The following SMURF1 variants were observed in gnomAD, a reference collection of about 807,000 sequenced individuals.
The protein encoded by SMURF1 is SMAD specific E3 ubiquitin protein ligase 1, also known as E3 ubiquitin-protein ligase SMURF1.
In SMURF1, 44 loss-of-function variants were observed where a neutral mutation model predicts 98.0. The ratio of observed to expected loss-of-function variants is 0.45; its 90% confidence interval spans 0.35 to 0.58. The LOEUF (loss-of-function observed/expected upper bound fraction) is 0.58. Ranked by LOEUF, SMURF1 falls within the 20% of genes least tolerant of loss-of-function variation. SMURF1 has a pLI of 0.00. For synonymous variants in SMURF1, 396 were observed against 374.9 expected (o/e 1.06, Z -0.65); for missense variants, 687 against 938.4 (o/e 0.73, Z 3.50).
In SMURF1 at chr7:99,111,906, T is replaced by C. The variant is rs1223226626; in HGVS notation, c.55+31820A>G. On this transcript the variant is annotated intron_variant, in intron 1 of 17. Transcript: ENST00000361368. ...ACTCAGAACTCTCCCAGGGCTAAGG[T>C]AGATATCAAGGGTAGAAGTGTGGGA... Among the ~76,000 whole-genome samples the C allele has an allele frequency of 2.6e-5, 4 of 152,222 alleles. No individual in the cohort carries two copies. The Middle Eastern group carries it at 0.01, about 388-fold the overall frequency.
intron 1 of SMURF1, among the ~76,000 whole-genome samples, chr7:99,110,468 CAT>C (rs1797293547): frequency 6.6e-6 from 1 of 152,116 alleles, no homozygotes; most frequent in African/African-American, 2.4e-5. Context: ...AGGAAATAAA[CAT>C]AAACAGCCCG....
intron 3 of SMURF1, among the ~76,000 whole-genome samples, chr7:99,059,122 G>A (rs1398574805): frequency 2.0e-5 from 3 of 149,246 alleles, no homozygotes; most frequent in African/African-American, 4.9e-5. Context: ...AAAATAGGCC[G>A]GGCGCGGTGG....
intron 3 of SMURF1, among the ~76,000 whole-genome samples, chr7:99,058,666 A>T (rs1314433998): frequency 6.6e-6 from 1 of 152,248 alleles, no homozygotes; most frequent in East Asian, 1.9e-4. Flanking sequence ...ACTGAATCTT[A>T]GAATATAATT....
Position 99,113,447 on chromosome 7 carries a change from G to A in SMURF1, c.55+30279C>T, listed in dbSNP as rs566816618. Among the ~76,000 whole-genome samples, 72 of 152,262 alleles carry A rather than the reference G, an allele frequency of 4.7e-4. 1 individual carries two copies. The highest frequency in any genetic ancestry group is 1.7e-3 in the African/African-American group (69 of 41,566). ...CCAGAACTATCCTTCAAATACAAAG[G>A]AGAAATGAAGACATTACAAAGCTAA... On this transcript the variant is annotated intron_variant, in intron 1 of 17. Coordinates refer to ENST00000361368, the MANE Select transcript of SMURF1 (RefSeq NM_181349.3).
chr7:99,045,603 A>G, intron 11 of SMURF1, 95 bp downstream of exon 11: 1 of 986,108 alleles, frequency 1.0e-6, no homozygotes, highest in Non-Finnish European at 1.6e-6. Context: ...CCTGCCCAGG[A>G]GTGCTTGGTG....
intron 1 of SMURF1, among the ~76,000 whole-genome samples, chr7:99,136,341 T>C (rs1480507451): frequency 6.6e-6 from 1 of 152,254 alleles, no homozygotes; most frequent in Non-Finnish European, 1.5e-5. Flanking sequence ...AGGCTCTTTA[T>C]ATATTAGGAA....
chr7:99,108,334 G>C (rs542525451), intron 1 of SMURF1, among the ~76,000 whole-genome samples: 1 of 151,578 alleles, frequency 6.6e-6, no homozygotes, highest in South Asian at 2.1e-4. Context: ...TCTCAGCCAG[G>C]CATGGTGGCT....
chr7:99,117,850 C>T (rs984625756), intron 1 of SMURF1, among the ~76,000 whole-genome samples: 5 of 151,676 alleles, frequency 3.3e-5, no homozygotes, highest in Admixed American at 6.6e-5. Context: ...GAGGCCAAGG[C>T]AGGCGGACCA....
At chr7:99,087,674 T>C (rs1437246636) in intron 1 of SMURF1, among the ~76,000 whole-genome samples, 3 of 152,184 alleles carry the variant, frequency 2.0e-5, no homozygotes, top group African/African-American at 4.8e-5. Context: ...GCAAGGCTGA[T>C]CGCTTCTGCC....
intron 1 of SMURF1, among the ~76,000 whole-genome samples, chr7:99,066,544 A>G (rs966063246): frequency 2.0e-5 from 3 of 152,140 alleles, no homozygotes; most frequent in African/African-American, 4.8e-5. Context: ...TGGGAGACTG[A>G]GGCAGGTGGG....
intron 13 of SMURF1, among the ~76,000 whole-genome samples, chr7:99,039,067 C>T (rs890140936): frequency 6.6e-6 from 1 of 151,664 alleles, no homozygotes; most frequent in Non-Finnish European, 1.5e-5. Flanking sequence ...GTGGCAGGCG[C>T]CTGTAGTCCC....
chr7:99,051,066 G>C, intron 8 of SMURF1: 2 of 1,377,840 alleles, frequency 1.5e-6, no homozygotes, highest in Non-Finnish European at 2.0e-6. Flanking sequence ...ACTTATGATG[G>C]AAAATTTTAA....
chr7:99,112,776 A>G (rs1266542426), intron 1 of SMURF1, among the ~76,000 whole-genome samples: 3 of 152,198 alleles, frequency 2.0e-5, no homozygotes, highest in Non-Finnish European at 4.4e-5. Context: ...AACCATGAGA[A>G]CAGTGTCTCA....
intron 11 of SMURF1, among the ~76,000 whole-genome samples, chr7:99,045,272 C>T (rs1213728768): frequency 6.6e-6 from 1 of 152,142 alleles, no homozygotes; most frequent in Non-Finnish European, 1.5e-5. Flanking sequence ...TAACATTTTA[C>T]AAAATTCCTT....
chr7:99,100,347 G>T (rs1797050168), intron 1 of SMURF1, among the ~76,000 whole-genome samples: 1 of 152,180 alleles, frequency 6.6e-6, no homozygotes. Flanking sequence ...CTGAGGTCAG[G>T]AATTAGAGGC....
intron 17 of SMURF1, chr7:99,030,905 G>A: frequency 2.4e-6 from 1 of 420,122 alleles, no homozygotes; most frequent in Admixed American, 4.0e-5. Flanking sequence ...TCGCTAGGTT[G>A]CCCAGGCTGC....
At chr7:99,061,275 T>G (rs1480904258) in intron 2 of SMURF1, among the ~76,000 whole-genome samples, 1 of 152,228 alleles carries the variant, frequency 6.6e-6, no homozygotes, top group Non-Finnish European at 1.5e-5. Context: ...AGATGTCTTG[T>G]GAGGATCAGA....
Position 99,038,641 on chromosome 7 carries a change from G to A in SMURF1, c.1551-116C>T, listed in dbSNP as rs967036312. Reference sequence around the variant, plus strand: ...CGGGGCTGCAAGACAGGACAGCCTCGGGCAGACACAGAACCTGCGTGGGGG... The same window carrying A: ...CGGGGCTGCAAGACAGGACAGCCTCAGGCAGACACAGAACCTGCGTGGGGG... On this transcript the variant is annotated intron_variant, in intron 13 of 17. Transcript: ENST00000361368. The A allele has an allele frequency of 2.0e-5, 25 of 1,258,276 alleles. No homozygotes were observed. The East Asian group carries it at 4.4e-4, about 22-fold the overall frequency. 77.9% of individuals were successfully genotyped at this position (1,258,276 alleles called of 1,614,324 possible).
In SMURF1 at chr7:99,043,628, G is replaced by A. The variant is rs569724396; in HGVS notation, c.1257-1396C>T. Among the ~76,000 whole-genome samples, 3 of 152,336 alleles carry A rather than the reference G, an allele frequency of 2.0e-5. No individual in the cohort carries two copies. The South Asian group carries it at 6.2e-4, about 32-fold the overall frequency. On this transcript the variant is annotated intron_variant, in intron 11 of 17. Coordinates refer to ENST00000361368, the MANE Select transcript of SMURF1 (RefSeq NM_181349.3). ...TTCAGAATGACCAAAGAAAGAAAAT[G>A]TGCGAAGAAATTAACAAAAAGTAAA...
Sources: allele counts gnomAD v4.1 joint callset (sites outside exome capture counted in the v4.1 genomes callset), GRCh38; gene constraint gnomAD v4.1.1; transcripts MANE v1.5; gene names NCBI Gene and HGNC (gene_info 2026-07-23, HGNC 2026-07-21).